The following TASP1 variants were observed in gnomAD, a reference collection of about 807,000 sequenced individuals.
TASP1 encodes threonine aspartase 1.
A neutral mutation model predicts 56.6 loss-of-function variants in TASP1; 16 were observed. That is an observed-to-expected ratio of 0.28 (90% CI 0.19 to 0.43). The LOEUF (loss-of-function observed/expected upper bound fraction) is 0.43. TASP1 is among the 20% of genes least tolerant of loss of function. The pLI, the probability that TASP1 is intolerant of heterozygous loss-of-function variation, is 1.00. For missense variants in TASP1, 393 were observed against 511.6 expected (o/e 0.77, Z 2.24); for synonymous variants, 179 against 184.2 (o/e 0.97, Z 0.23).
At chr20:13,370,173 A>T in the TASP1 span, among the ~76,000 whole-genome samples, 35 of 152,338 alleles carry the variant, frequency 2.3e-4, no homozygotes, top group Admixed American at 2.1e-3. Context: ...TTCTTCAACA[A>T]GCAAGTTTGA....
chr20:13,247,520 GTGTGTGTGTGTGT>G, the TASP1 span, among the ~76,000 whole-genome samples: 6 of 85,322 alleles, frequency 7.0e-5, no homozygotes, highest in African/African-American at 2.9e-4. Flanking sequence ...AGTGAGGGGT[GTGTGTGTGTGTGT>G]GTGTGTGTGT....
the TASP1 span, among the ~76,000 whole-genome samples, chr20:13,196,312 G>T: frequency 1.3e-5 from 2 of 152,160 alleles, no homozygotes; most frequent in Non-Finnish European, 2.9e-5. Context: ...GAATAATTTA[G>T]TTTTAAACCA....
At chr20:13,227,988 G>GTTT in the TASP1 span, among the ~76,000 whole-genome samples, 1 of 126,770 alleles carries the variant, frequency 7.9e-6, no homozygotes. Context: ...TTTTTGAGAT[G>GTTT]GAGTCTAGCT....
In TASP1 at chr20:13,537,230, A is replaced by G. The variant is rs570239602; in HGVS notation, c.676-3089T>C. ...GTCAGTATAACTGGATTATACATACATGGATTTACTGTAACTTCGTTTTCA... is the reference window on the plus strand; with the variant it reads ...GTCAGTATAACTGGATTATACATACGTGGATTTACTGTAACTTCGTTTTCA... On this transcript the variant is annotated intron_variant, in intron 8 of 13. Transcript: ENST00000337743. Among the ~76,000 whole-genome samples, 12 of 152,298 alleles carry G rather than the reference A, an allele frequency of 7.9e-5. 1 individual carries two copies. The South Asian group carries it at 2.5e-3, about 32-fold the overall frequency.
the TASP1 span, among the ~76,000 whole-genome samples, chr20:13,378,029 T>G: frequency 6.6e-6 from 1 of 152,374 alleles, no homozygotes; most frequent in South Asian, 2.1e-4. Context: ...AACCCGCTCC[T>G]GGATTCATTG....
the TASP1 span, among the ~76,000 whole-genome samples, chr20:13,236,961 G>A: frequency 6.6e-6 from 1 of 152,200 alleles, no homozygotes; most frequent in African/African-American, 2.4e-5. Context: ...GGTGCAAGCT[G>A]TCGGTAGATC....
At chr20:13,175,754 T>C in the TASP1 span, among the ~76,000 whole-genome samples, 1 of 152,214 alleles carries the variant, frequency 6.6e-6, no homozygotes, top group Non-Finnish European at 1.5e-5. Flanking sequence ...AGAAAATATC[T>C]CTGAAAGGTC....
chr20:13,333,900 C>T, the TASP1 span, among the ~76,000 whole-genome samples: 5 of 152,138 alleles, frequency 3.3e-5, no homozygotes, highest in South Asian at 2.1e-4. Flanking sequence ...GGATTCAACA[C>T]GTATTTACTC....
At chr20:13,622,285 G>A (rs2048743694) in intron 4 of TASP1, among the ~76,000 whole-genome samples, 1 of 152,192 alleles carries the variant, frequency 6.6e-6, no homozygotes, top group South Asian at 2.1e-4. Context: ...GTCAAGGACA[G>A]ACTGTGCCAC....
At chr20:13,255,125 C>T in the TASP1 span, among the ~76,000 whole-genome samples, 4 of 152,130 alleles carry the variant, frequency 2.6e-5, no homozygotes, top group African/African-American at 9.7e-5. Flanking sequence ...TAGAGGGGAG[C>T]TTTTAAAGGG....
At chr20:13,223,942 G>C in the TASP1 span, among the ~76,000 whole-genome samples, 1 of 152,072 alleles carries the variant, frequency 6.6e-6, no homozygotes, top group Non-Finnish European at 1.5e-5. Flanking sequence ...CCCGGGGTTG[G>C]CCTTTTCCGC....
the TASP1 span, among the ~76,000 whole-genome samples, chr20:13,129,640 C>T: frequency 1.3e-5 from 2 of 152,170 alleles, no homozygotes; most frequent in South Asian, 2.1e-4. Context: ...ATATGTCATC[C>T]GAATCAGTTG....
the TASP1 span, among the ~76,000 whole-genome samples, chr20:13,322,006 G>A: frequency 6.6e-6 from 1 of 152,168 alleles, no homozygotes; most frequent in Non-Finnish European, 1.5e-5. Context: ...AAGAATTAAT[G>A]AGTCAACATT....
At chr20:13,609,711 T>G (rs2048284340) in intron 4 of TASP1, among the ~76,000 whole-genome samples, 1 of 145,472 alleles carries the variant, frequency 6.9e-6, no homozygotes, top group Non-Finnish European at 1.5e-5. Context: ...AAAAAAAAGT[T>G]AAACATAGAA....
intron 11 of TASP1, among the ~76,000 whole-genome samples, chr20:13,479,810 G>A (rs570736121): frequency 1.3e-5 from 2 of 152,256 alleles, no homozygotes; most frequent in African/African-American, 2.4e-5. Flanking sequence ...CTTCATACAA[G>A]TAGTTTAGTT....
intron 13 of TASP1, among the ~76,000 whole-genome samples, chr20:13,398,455 G>A (rs2041624595): frequency 6.6e-6 from 1 of 151,974 alleles, no homozygotes; most frequent in South Asian, 2.1e-4. Context: ...ACCCTTCTTA[G>A]AGCCAGACAG....
the TASP1 span, among the ~76,000 whole-genome samples, chr20:13,182,251 T>C: frequency 6.6e-6 from 1 of 152,212 alleles, no homozygotes; most frequent in Admixed American, 6.5e-5. Flanking sequence ...ATCAAATATA[T>C]AGATATGCTT....
the TASP1 span, among the ~76,000 whole-genome samples, chr20:13,339,926 A>G: frequency 2.0e-5 from 3 of 152,064 alleles, no homozygotes; most frequent in South Asian, 4.1e-4. Context: ...TTCTCTTATT[A>G]TAGAAACACA....
chr20:13,450,420 T>C (rs1056603344), intron 11 of TASP1, among the ~76,000 whole-genome samples: 1 of 152,128 alleles, frequency 6.6e-6, no homozygotes, highest in African/African-American at 2.4e-5. Context: ...TTACTCACAG[T>C]AGAGCTTTCA....
Sources: gnomAD v4.1 joint callset for allele counts (sites outside exome capture counted in the v4.1 genomes callset) on GRCh38, gnomAD v4.1.1 for gene constraint, MANE v1.5 for transcripts, NCBI Gene and HGNC (gene_info 2026-07-23, HGNC 2026-07-21) for gene names.